Variants in CA10 observed in about 807,000 individuals in gnomAD.
CA10 encodes the protein carbonic anhydrase 10 (inactive).
CA10 carries 14 observed loss-of-function variants against 44.2 expected under a neutral mutation model. The ratio of observed to expected loss-of-function variants is 0.32; its 90% CI spans 0.21 to 0.50. The LOEUF (loss-of-function observed/expected upper bound fraction) is 0.50. CA10 is among the 20% of genes least tolerant of loss of function. The pLI is 0.99. For missense variants in CA10, 350 were observed against 409.7 expected (o/e 0.85, Z 1.26); for synonymous variants, 159 against 141.6 (o/e 1.12, Z -0.87).
chr17:52,136,323 A>G (rs1299418058), intron 1 of CA10, among the ~76,000 whole-genome samples: 1 of 152,194 alleles, frequency 6.6e-6, no homozygotes, highest in African/African-American at 2.4e-5. Context: ...GACCATTAGC[A>G]TTAGAAAACA....
At chr17:51,978,714 C>T (rs1283445829) in intron 2 of CA10, among the ~76,000 whole-genome samples, 2 of 151,920 alleles carry the variant, frequency 1.3e-5, no homozygotes, top group Admixed American at 6.6e-5. Flanking sequence ...AAATCTTCTC[C>T]TCATTAAAAG....
intron 3 of CA10, among the ~76,000 whole-genome samples, chr17:51,800,850 T>C (rs1328950818): frequency 2.6e-5 from 4 of 152,202 alleles, no homozygotes; most frequent in African/African-American, 9.6e-5. Flanking sequence ...ATATCTTTCC[T>C]AGATTAATGG....
intron 4 of CA10, among the ~76,000 whole-genome samples, chr17:51,660,870 A>G (rs1203541036): frequency 6.6e-6 from 1 of 151,826 alleles, no homozygotes; most frequent in Admixed American, 6.6e-5. Context: ...CCTCCCTTAT[A>G]TACTGGGCTT....
At chr17:51,832,837 A>C (rs7214296) in intron 3 of CA10, among the ~76,000 whole-genome samples, 14,792 of 152,208 alleles carry the variant, frequency 0.097, 2,137 homozygotes, top group African/African-American at 0.32. Context: ...TAAGCTACGC[A>C]ACAGTGAAAT....
At chr17:51,649,144 T>C (rs781144766) in intron 6 of CA10, 38 bp downstream of exon 6, 2 of 1,489,576 alleles carry the variant, frequency 1.3e-6, no homozygotes, top group Admixed American at 3.3e-5. Flanking sequence ...CTAACCTTTA[T>C]AGAATAGTTG....
intron 1 of CA10, among the ~76,000 whole-genome samples, chr17:52,114,955 T>A (rs1406027975): frequency 1.3e-5 from 2 of 152,198 alleles, no homozygotes; most frequent in East Asian, 1.9e-4. Flanking sequence ...GCCACTGATA[T>A]ATGCAGGAGG....
intron 3 of CA10, among the ~76,000 whole-genome samples, chr17:51,786,212 G>GTC (rs1008996937): frequency 2.8e-5 from 3 of 108,926 alleles, no homozygotes; most frequent in Non-Finnish European, 6.0e-5. Context: ...ATCTTTGTGT[G>GTC]TCTGTGTGTG....
intron 3 of CA10, among the ~76,000 whole-genome samples, chr17:51,831,728 A>AGCCGCCGCCGCCGCC (rs1555604084): frequency 7.8e-6 from 1 of 128,562 alleles, no homozygotes; most frequent in African/African-American, 3.1e-5. Context: ...CAGCAGCAGC[A>AGCCGCCGCCGCCGCC]GCAGAAAAAG....
chr17:51,858,907 A>G (rs1041162627), intron 3 of CA10, among the ~76,000 whole-genome samples: 47 of 152,074 alleles, frequency 3.1e-4, no homozygotes, highest in Admixed American at 5.2e-4. Context: ...ATTAATCCCT[A>G]TGGGAGCAGG....
At chr17:51,966,917 C>T (rs1215788995) in intron 2 of CA10, among the ~76,000 whole-genome samples, 1 of 151,222 alleles carries the variant, frequency 6.6e-6, no homozygotes, top group Admixed American at 6.6e-5. Flanking sequence ...TATCAACAGA[C>T]CACACCTACA....
At chr17:51,745,906 G>A (rs1904669952) in intron 4 of CA10, among the ~76,000 whole-genome samples, 1 of 152,192 alleles carries the variant, frequency 6.6e-6, no homozygotes, top group Admixed American at 6.5e-5. Flanking sequence ...AATAACTTAA[G>A]AGGAAGAATT....
At chr17:51,646,583 C>T (rs1187825203) in intron 6 of CA10, among the ~76,000 whole-genome samples, 1 of 152,094 alleles carries the variant, frequency 6.6e-6, no homozygotes, top group Non-Finnish European at 1.5e-5. Flanking sequence ...TCATCTTAAC[C>T]TGAATTTATG....
At chr17:52,075,565 G>A (rs551590388) in intron 1 of CA10, among the ~76,000 whole-genome samples, 11 of 152,308 alleles carry the variant, frequency 7.2e-5, no homozygotes, top group Admixed American at 4.6e-4. Flanking sequence ...TCACTTGAAT[G>A]TCTGTTGGGA....
intron 2 of CA10, among the ~76,000 whole-genome samples, chr17:51,960,406 G>A (rs1432590588): frequency 6.6e-6 from 1 of 151,552 alleles, no homozygotes; most frequent in Non-Finnish European, 1.5e-5. Flanking sequence ...GGGAGGCTGA[G>A]AAACACCCCC....
At chr17:51,776,249 T>G (rs533824162) in intron 3 of CA10, among the ~76,000 whole-genome samples, 13 of 152,066 alleles carry the variant, frequency 8.5e-5, no homozygotes, top group Non-Finnish European at 1.6e-4. Flanking sequence ...TGACCTGGTG[T>G]GAGTAGCCCC....
intron 4 of CA10, 30 bp from the exon 5 acceptor site, chr17:51,653,766 C>T (rs759219984): frequency 7.6e-7 from 1 of 1,309,078 alleles, no homozygotes; most frequent in Non-Finnish European, 1.1e-6. Context: ...AGAATCAGAA[C>T]AATAATCCAA....
chr17:51,738,815 T>C (rs1259814942), intron 4 of CA10, among the ~76,000 whole-genome samples: 1 of 152,216 alleles, frequency 6.6e-6, no homozygotes, highest in East Asian at 1.9e-4. Flanking sequence ...TAAGAAGGTT[T>C]TTTGAATCTT....
At chr17:51,761,281 A>G (rs1317831681) in intron 3 of CA10, 20 of 152,036 alleles carry the variant, frequency 1.3e-4, no homozygotes. Flanking sequence ...TCATATTGCA[A>G]GTTTTATGGG....
Position 51,975,493 on chromosome 17 carries a change from A to C in CA10, c.137-44361T>G, listed in dbSNP as rs1351700814. Among the ~76,000 whole-genome samples the C allele has an allele frequency of 3.3e-5, 5 of 152,330 alleles. No homozygotes were observed. In the East Asian group the frequency reaches 9.7e-4, roughly 29 times the overall value. On this transcript the variant is annotated intron_variant, in intron 2 of 8. Transcript: ENST00000451037. ...CAGGAGTTCAAGACCAGCCTGGCTA[A>C]CATGGTGAAACCCCGTCTCTACTAA...
Sources: gnomAD v4.1 joint callset for allele counts (sites outside exome capture counted in the v4.1 genomes callset) on GRCh38, gnomAD v4.1.1 for gene constraint, MANE v1.5 for transcripts, NCBI Gene and HGNC (gene_info 2026-07-23, HGNC 2026-07-21) for gene names.